Variants in DLC1 observed in about 807,000 individuals in gnomAD.
DLC1 encodes DLC1 Rho GTPase activating protein, also known as rho GTPase-activating protein 7.
Under a neutral mutation model 140.3 loss-of-function variants are expected in DLC1, and 54 were observed. That is an observed-to-expected ratio of 0.38 (90% CI 0.31 to 0.48). The LOEUF (loss-of-function observed/expected upper bound fraction) is 0.48, where lower values mean the gene tolerates loss of function less well. Ranked by LOEUF, DLC1 falls within the 20% of genes least tolerant of loss-of-function variation. DLC1 has a pLI of 0.96. For missense variants in DLC1, 2,536 were observed against 1,907.0 expected (o/e 1.33, Z -6.14); for synonymous variants, 986 against 728.1 (o/e 1.35, Z -5.70).
At chr8:13,139,363 G>GA (rs1373305653) in intron 5 of DLC1, among the ~76,000 whole-genome samples, 1 of 150,042 alleles carries the variant, frequency 6.7e-6, no homozygotes, top group African/African-American at 2.5e-5. Context: ...TTGTGCCTGG[G>GA]AAAATGTGAT....
chr8:13,194,390 T>C (rs1276180277), intron 5 of DLC1, among the ~76,000 whole-genome samples: 4 of 152,214 alleles, frequency 2.6e-5, no homozygotes, highest in Non-Finnish European at 5.9e-5. Context: ...GTTACTGATC[T>C]CCTTGGAATA....
intron 1 of DLC1, among the ~76,000 whole-genome samples, chr8:13,590,842 C>G (rs774208265): frequency 2.6e-5 from 4 of 152,040 alleles, no homozygotes; most frequent in African/African-American, 9.7e-5. Flanking sequence ...ATTAAAAATG[C>G]TTCATTTACA....
At chr8:13,295,090 A>C (rs1259113791) in intron 5 of DLC1, among the ~76,000 whole-genome samples, 1 of 152,178 alleles carries the variant, frequency 6.6e-6, no homozygotes, top group African/African-American at 2.4e-5. Flanking sequence ...CAGTGGGGAA[A>C]ATTTTGAGAT....
In DLC1 at chr8:13,277,392, A is replaced by G. The variant is rs534222734; in HGVS notation, c.1348+27877T>C. 2.0e-5 allele frequency among the ~76,000 whole-genome samples: 3 copies of G among 152,308 alleles called. 1 individual carries two copies. In the South Asian group the frequency reaches 6.2e-4, roughly 32 times the overall value. ...AGCTCCTCACATTTTCTCTCTAACC[A>G]TACTTCTACTTACAGTGGTTTAATC... On this transcript the variant is annotated intron_variant, in intron 5 of 17. Coordinates refer to ENST00000276297, the MANE Select transcript of DLC1 (RefSeq NM_182643.3).
intron 2 of DLC1, among the ~76,000 whole-genome samples, chr8:13,454,129 G>T (rs540059601): frequency 2.0e-5 from 3 of 152,004 alleles, no homozygotes; most frequent in Admixed American, 1.3e-4. Flanking sequence ...TTTGGACTAC[G>T]TGCAATTTGG....
chr8:13,191,327 T>C (rs576684104), intron 5 of DLC1, among the ~76,000 whole-genome samples: 7 of 152,262 alleles, frequency 4.6e-5, no homozygotes, highest in African/African-American at 1.7e-4. Context: ...GCCAACATGG[T>C]GAAACTCCGT....
chr8:13,111,672 G>T (rs569170354), intron 6 of DLC1, among the ~76,000 whole-genome samples: 1 of 152,132 alleles, frequency 6.6e-6, no homozygotes, highest in Non-Finnish European at 1.5e-5. Context: ...ATTGCCACTG[G>T]ATAAAGGCAA....
intron 5 of DLC1, among the ~76,000 whole-genome samples, chr8:13,243,576 A>G (rs1200891605): frequency 6.6e-6 from 1 of 152,194 alleles, no homozygotes; most frequent in African/African-American, 2.4e-5. Flanking sequence ...AATAGGAACA[A>G]TGATGAAGAC....
intron 2 of DLC1, among the ~76,000 whole-genome samples, chr8:13,406,187 T>TTTTTTTTG (rs1837553695): frequency 7.7e-6 from 1 of 130,586 alleles, no homozygotes; most frequent in Non-Finnish European, 1.6e-5. Flanking sequence ...TTGTGTTTTT[T>TTTTTTTTG]TTTTTTTTTT....
chr8:13,387,938 A>G (rs1025824508), intron 4 of DLC1, among the ~76,000 whole-genome samples: 2 of 152,188 alleles, frequency 1.3e-5, no homozygotes, highest in Non-Finnish European at 2.9e-5. Context: ...GGGGATTTGC[A>G]CAGTCTTTGA....
chr8:13,572,091 A>ATTTTTTT (rs773027065), intron 1 of DLC1, among the ~76,000 whole-genome samples: 4 of 56,298 alleles, frequency 7.1e-5, no homozygotes, highest in East Asian at 6.3e-4. Flanking sequence ...TATTATTATT[A>ATTTTTTT]TTTATTTTTT....
At chr8:13,325,262 T>C (rs893278627) in intron 4 of DLC1, among the ~76,000 whole-genome samples, 1 of 152,230 alleles carries the variant, frequency 6.6e-6, no homozygotes, top group Non-Finnish European at 1.5e-5. Context: ...GTGAGACTAA[T>C]GGGCTTTTGG....
chr8:13,318,819 C>A (rs1056271595), intron 4 of DLC1, among the ~76,000 whole-genome samples: 1 of 152,236 alleles, frequency 6.6e-6, no homozygotes, highest in Non-Finnish European at 1.5e-5. Context: ...TCCCTCTCTT[C>A]TTTCTGAATA....
intron 2 of DLC1, among the ~76,000 whole-genome samples, chr8:13,412,802 G>A (rs958960186): frequency 1.1e-4 from 17 of 151,896 alleles, no homozygotes; most frequent in African/African-American, 3.9e-4. Flanking sequence ...TGTGGTGGTG[G>A]GAGCCTGTAG....
At chr8:13,466,648 G>T (rs1000555191) in intron 2 of DLC1, among the ~76,000 whole-genome samples, 27 of 152,118 alleles carry the variant, frequency 1.8e-4, no homozygotes, top group African/African-American at 5.8e-4. Context: ...CATCAGAGCA[G>T]GGCTAGAGTT....
intron 4 of DLC1, among the ~76,000 whole-genome samples, chr8:13,320,601 G>A (rs1404296846): frequency 6.6e-5 from 10 of 152,252 alleles, no homozygotes. Context: ...GATGTTGGAG[G>A]TGGGGTCTCA....
At chr8:13,152,824 G>A (rs76146309) in intron 5 of DLC1, among the ~76,000 whole-genome samples, 1,483 of 91,262 alleles carry the variant, frequency 0.016, 31 homozygotes, top group African/African-American at 0.045. Context: ...CTCTGGGGAA[G>A]AAAAAAAAAA....
chr8:13,407,336 T>C (rs1837613814), intron 2 of DLC1, among the ~76,000 whole-genome samples: 1 of 152,194 alleles, frequency 6.6e-6, no homozygotes, highest in Non-Finnish European at 1.5e-5. Flanking sequence ...GTCTCCTCTC[T>C]GCTTCTTTCC....
chr8:13,291,175 C>T (rs187418716), intron 5 of DLC1, among the ~76,000 whole-genome samples: 3 of 152,292 alleles, frequency 2.0e-5, no homozygotes, highest in East Asian at 3.9e-4. Context: ...TCCCAAAGTG[C>T]TGGGATTACA....
Sources: allele counts gnomAD v4.1 joint callset (sites outside exome capture counted in the v4.1 genomes callset), GRCh38; gene constraint gnomAD v4.1.1; transcripts MANE v1.5; gene names NCBI Gene and HGNC (gene_info 2026-07-23, HGNC 2026-07-21).